The following THRB variants were observed in gnomAD, a reference collection of about 807,000 sequenced individuals.
THRB encodes the protein nuclear receptor subfamily 1 group A member 2.
Under a neutral mutation model 47.8 loss-of-function variants are expected in THRB, and 12 were observed. That is an observed-to-expected ratio of 0.25 (90% CI 0.16 to 0.41). The LOEUF (loss-of-function observed/expected upper bound fraction) is 0.41, where lower values mean the gene tolerates loss of function less well. THRB is among the 10% of genes least tolerant of loss of function. The pLI, the probability that THRB is intolerant of heterozygous loss-of-function variation, is 1.00. For synonymous variants in THRB, 218 were observed against 212.2 expected (o/e 1.03, Z -0.24); for missense variants, 348 against 589.2 (o/e 0.59, Z 4.24).
intron 3 of THRB, among the ~76,000 whole-genome samples, chr3:24,273,359 G>A (rs2053554713): frequency 6.6e-6 from 1 of 152,056 alleles, no homozygotes; most frequent in Non-Finnish European, 1.5e-5. Context: ...CATTCTAACA[G>A]GTGTCCATTT....
chr3:24,255,295 C>A (rs914842608), intron 3 of THRB, among the ~76,000 whole-genome samples: 2 of 152,146 alleles, frequency 1.3e-5, no homozygotes, highest in Non-Finnish European at 2.9e-5. Flanking sequence ...TACTGATTAA[C>A]CCCTGTGCTA....
chr3:24,160,561 C>G (rs374374791), intron 5 of THRB, among the ~76,000 whole-genome samples: 1 of 152,042 alleles, frequency 6.6e-6, no homozygotes, highest in Non-Finnish European at 1.5e-5. Context: ...CAGCTGGTAC[C>G]GAGGGAGCTG....
At chr3:24,361,642 G>A (rs538012543) in intron 1 of THRB, among the ~76,000 whole-genome samples, 1 of 152,116 alleles carries the variant, frequency 6.6e-6, no homozygotes, top group Non-Finnish European at 1.5e-5. Context: ...AAGAAATAAA[G>A]GTATGAAAGA....
intron 5 of THRB, among the ~76,000 whole-genome samples, chr3:24,164,787 T>C (rs375420148): frequency 2.1e-4 from 32 of 152,108 alleles, no homozygotes; most frequent in African/African-American, 6.7e-4. Flanking sequence ...TACACACACA[T>C]GCAAAATACA....
intron 2 of THRB, among the ~76,000 whole-genome samples, chr3:24,319,456 A>C (rs921190569): frequency 5.3e-5 from 8 of 152,252 alleles, no homozygotes; most frequent in Non-Finnish European, 1.0e-4. Flanking sequence ...TGAGCAAAAA[A>C]TGTCAAATAC....
At chr3:24,288,234 CCCAGAGAAGTCTCAGTT>C (rs2055538839) in intron 3 of THRB, among the ~76,000 whole-genome samples, 1 of 152,214 alleles carries the variant, frequency 6.6e-6, no homozygotes, top group African/African-American at 2.4e-5. Flanking sequence ...TGGCTGGAAG[CCCAGAGAAGTCTCAGTT>C]CCTGGCCTTA....
intron 1 of THRB, among the ~76,000 whole-genome samples, chr3:24,487,191 T>A (rs1262502927): frequency 6.6e-6 from 1 of 152,130 alleles, no homozygotes; most frequent in Non-Finnish European, 1.5e-5. Flanking sequence ...AAGGTTCTGT[T>A]GTGGTGCTAG....
rs543468446 is a variant in THRB, at chr3:24,120,759, A to G, written c.*2125T>C. ...CCTAGACAAAACCAAACCCCAAAAC[A>G]ATCTGTCTGTAGATAAAGCAGGTAA... On this transcript the variant is annotated 3_prime_UTR_variant, in exon 11 of 11. Coordinates refer to ENST00000646209, the MANE Select transcript of THRB (RefSeq NM_001354712.2). 6.6e-6 allele frequency: 1 copy of G among 152,312 alleles called. No individual in the cohort carries two copies. The highest frequency in any genetic ancestry group is 6.5e-5 in the Admixed American group (1 of 15,302). The allele number at this position is 152,312 out of a possible 1,614,324, so 9.4% of individuals were successfully genotyped here.
intron 1 of THRB, among the ~76,000 whole-genome samples, chr3:24,366,841 G>A (rs1165185046): frequency 6.6e-6 from 1 of 151,790 alleles, no homozygotes; most frequent in African/African-American, 2.4e-5. Flanking sequence ...GGATGGTCTT[G>A]ATCTCCTGAC....
chr3:24,361,569 C>T (rs1179265285), intron 1 of THRB, among the ~76,000 whole-genome samples: 5 of 152,116 alleles, frequency 3.3e-5, no homozygotes, highest in Non-Finnish European at 7.4e-5. Context: ...TACCCACTGC[C>T]TGAGCACCAC....
intron 4 of THRB, among the ~76,000 whole-genome samples, chr3:24,213,350 C>T (rs956799663): frequency 3.3e-5 from 5 of 152,176 alleles, no homozygotes; most frequent in Non-Finnish European, 7.3e-5. Context: ...AAAGCACATT[C>T]TTAATCTTGG....
chr3:24,150,593 A>G (rs1385530917), intron 6 of THRB, among the ~76,000 whole-genome samples: 1 of 152,198 alleles, frequency 6.6e-6, no homozygotes, highest in African/African-American at 2.4e-5. Flanking sequence ...TTTCTTGATC[A>G]TCCTGAAGAC....
chr3:24,287,197 G>A (rs2055399218), intron 3 of THRB, among the ~76,000 whole-genome samples: 1 of 151,994 alleles, frequency 6.6e-6, no homozygotes, highest in Non-Finnish European at 1.5e-5. Context: ...GAATAACTCT[G>A]TTCGTCCCCT....
intron 1 of THRB, among the ~76,000 whole-genome samples, chr3:24,415,976 A>G (rs915024973): frequency 1.3e-5 from 2 of 151,856 alleles, no homozygotes; most frequent in African/African-American, 4.8e-5. Flanking sequence ...TCCAACAAGT[A>G]TGAATATGTA....
intron 1 of THRB, among the ~76,000 whole-genome samples, chr3:24,428,344 G>T (rs2069989438): frequency 6.6e-6 from 1 of 152,006 alleles, no homozygotes; most frequent in Admixed American, 6.6e-5. Context: ...ATCCTACAGA[G>T]ATTGGCTAAA....
At chr3:24,486,626 T>C (rs553683940) in intron 1 of THRB, 1 of 152,202 alleles carries the variant, frequency 6.6e-6, no homozygotes, top group Admixed American at 6.5e-5. Context: ...GAGTGGGAGA[T>C]AGATTAATAA....
intron 4 of THRB, among the ~76,000 whole-genome samples, chr3:24,204,738 G>A (rs2045071484): frequency 6.6e-6 from 1 of 152,178 alleles, no homozygotes; most frequent in African/African-American, 2.4e-5. Context: ...CCATCACAAA[G>A]AAGCTAAAAA....
rs1190239672 is a variant in THRB at position 24,290,611 on chromosome 3, AC to A, written c.-43+6614del. 1.4e-4 allele frequency among the ~76,000 whole-genome samples: 22 copies of A among 152,212 alleles called. 1 individual carries two copies. The highest frequency in any genetic ancestry group is 5.3e-4 in the African/African-American group (22 of 41,454). On this transcript the variant is annotated intron_variant, in intron 3 of 10. Transcript: ENST00000646209. ...GTTTCTCCTCCAAGAGACACGATGC[AC>A]AATCAAGTGGTTAAAATACCTTAAT...
chr3:24,397,078 C>A (rs1306689824), intron 1 of THRB, among the ~76,000 whole-genome samples: 2 of 152,050 alleles, frequency 1.3e-5, no homozygotes, highest in Non-Finnish European at 2.9e-5. Context: ...AATTAGAACT[C>A]AGCATAGATA....
Sources: allele counts gnomAD v4.1 joint callset (sites outside exome capture counted in the v4.1 genomes callset), GRCh38; gene constraint gnomAD v4.1.1; transcripts MANE v1.5; gene names NCBI Gene and HGNC (gene_info 2026-07-23, HGNC 2026-07-21).